Variants in TENM2 observed in about 807,000 individuals in gnomAD.
TENM2 encodes teneurin-2.
A neutral mutation model predicts 245.2 loss-of-function variants in TENM2; 52 were observed. That is an observed-to-expected ratio of 0.21 (90% CI 0.17 to 0.27). The LOEUF is 0.27. TENM2 is among the 10% of genes least tolerant of loss of function. The pLI is 1.00. For synonymous variants in TENM2, 1,363 were observed against 1,438.9 expected, an observed-to-expected ratio of 0.95 and a Z score of 1.19; for missense variants, 3,046 against 3,666.8, an observed-to-expected ratio of 0.83 and a Z score of 4.37.
intron 2 of TENM2, among the ~76,000 whole-genome samples, chr5:167,634,875 A>G (rs1779097005): frequency 6.6e-6 from 1 of 152,186 alleles, no homozygotes; most frequent in South Asian, 2.1e-4. Context: ...GAGGACATTC[A>G]GGGATAATTT....
At chr5:167,373,149 A>G (rs973763033) in intron 1 of TENM2, among the ~76,000 whole-genome samples, 2 of 152,218 alleles carry the variant, frequency 1.3e-5, no homozygotes, top group Admixed American at 6.5e-5. Context: ...TATGTATAGA[A>G]TTGGGCTTGA....
At chr5:167,543,405 C>T (rs1772342124) in intron 2 of TENM2, among the ~76,000 whole-genome samples, 1 of 152,106 alleles carries the variant, frequency 6.6e-6, no homozygotes, top group African/African-American at 2.4e-5. Flanking sequence ...GTGGTGAAGT[C>T]ACACAGCCAA....
At chr5:168,073,863 A>C (rs1475512406) in intron 7 of TENM2, among the ~76,000 whole-genome samples, 1 of 152,232 alleles carries the variant, frequency 6.6e-6, no homozygotes, top group Non-Finnish European at 1.5e-5. Context: ...GCAGGCCATC[A>C]CGTTGTATTC....
At chr5:168,017,126 G>C (rs560916712) in intron 5 of TENM2, among the ~76,000 whole-genome samples, 1 of 152,188 alleles carries the variant, frequency 6.6e-6, no homozygotes, top group East Asian at 1.9e-4. Flanking sequence ...TCAGCTAGAG[G>C]GACCACTCAT....
intron 6 of TENM2, among the ~76,000 whole-genome samples, chr5:168,053,443 A>G (rs1789278109): frequency 6.6e-6 from 1 of 152,180 alleles, no homozygotes. Flanking sequence ...GTACACCCAG[A>G]TATCTGGTCT....
At chr5:167,252,627 C>G in the TENM2 span, among the ~76,000 whole-genome samples, 2 of 152,086 alleles carry the variant, frequency 1.3e-5, no homozygotes, top group African/African-American at 4.8e-5. Flanking sequence ...ATTCGTGGCT[C>G]TCAGGTACAC....
chr5:168,253,377 A>C (rs1424782480), intron 27 of TENM2, among the ~76,000 whole-genome samples: 1 of 152,034 alleles, frequency 6.6e-6, no homozygotes, highest in Non-Finnish European at 1.5e-5. Flanking sequence ...CACAGAGCAA[A>C]GGCTAATAAA....
the TENM2 span, among the ~76,000 whole-genome samples, chr5:167,101,774 G>A: frequency 6.2e-5 from 9 of 144,058 alleles, no homozygotes; most frequent in Non-Finnish European, 1.0e-4. Flanking sequence ...AGTGTCAGAC[G>A]TAAGCAAAGA....
chr5:167,650,018 C>T (rs537863840), intron 2 of TENM2, among the ~76,000 whole-genome samples: 1 of 152,274 alleles, frequency 6.6e-6, no homozygotes, highest in South Asian at 2.1e-4. Flanking sequence ...TTCACTCTTC[C>T]CACCTCCACT....
rs192451356 is a variant in TENM2, at chr5:167,403,547, A to T, written c.502+28074A>T. 3.9e-4 allele frequency among the ~76,000 whole-genome samples: 59 copies of T among 152,232 alleles called. 1 individual carries two copies. The highest frequency in any genetic ancestry group is 3.9e-3 in the Admixed American group (59 of 15,282). On this transcript the variant is annotated intron_variant, in intron 2 of 28. Transcript: ENST00000518659. ...TGCCTTCTACCTGAACGTATGGGTC[A>T]TGGTAGATAGACAGAACAAAAAACT...
chr5:168,098,863 A>T (rs1793578875), intron 9 of TENM2, among the ~76,000 whole-genome samples: 2 of 152,106 alleles, frequency 1.3e-5, no homozygotes, highest in Admixed American at 6.5e-5. Context: ...TTGAAACAAA[A>T]CTCACAAAAT....
At chr5:168,164,799 G>A (rs1057143170) in intron 13 of TENM2, among the ~76,000 whole-genome samples, 1 of 152,160 alleles carries the variant, frequency 6.6e-6, no homozygotes, top group Non-Finnish European at 1.5e-5. Flanking sequence ...GTTTCAGAGT[G>A]TAGGAAGATC....
chr5:167,947,125 C>T (rs1171698088), intron 3 of TENM2, among the ~76,000 whole-genome samples: 1 of 152,012 alleles, frequency 6.6e-6, no homozygotes, highest in African/African-American at 2.4e-5. Flanking sequence ...CAAATGCAGC[C>T]GCATGTTCAT....
At chr5:167,084,327 T>TTATATATATATATATATATATATA in the TENM2 span, among the ~76,000 whole-genome samples, 11 of 23,174 alleles carry the variant, frequency 4.7e-4, 2 homozygotes, top group Admixed American at 7.0e-4. Context: ...GCCATTTTAG[T>TTATATATATATATATATATATATA]TATATATATA....
intron 2 of TENM2, among the ~76,000 whole-genome samples, chr5:167,872,514 AAGAAAGAAAGAAAG>A (rs1249750598): frequency 0.012 from 683 of 56,306 alleles, 9 homozygotes; most frequent in African/African-American, 0.028. Flanking sequence ...GAAAGAAAGA[AAGAAAGAAAGAAAG>A]AAAGAAAGAA....
rs563200013 is a variant in TENM2, at chr5:167,994,599, A to G, written c.1186+1417A>G. Among the ~76,000 whole-genome samples the G allele has an allele frequency of 1.1e-4, 17 of 152,360 alleles. No individual in the cohort carries two copies. The East Asian group carries it at 3.3e-3, about 29-fold the overall frequency. On this transcript the variant is annotated intron_variant, in intron 5 of 28. Coordinates refer to ENST00000518659, the Ensembl canonical transcript of TENM2. ...ACACTATAGCTGTTCTTGTCTTAAT[A>G]TGGAAAAATAAGCATTTATATTCCT...
chr5:167,253,085 CT>C, the TENM2 span, among the ~76,000 whole-genome samples: 7 of 151,560 alleles, frequency 4.6e-5, no homozygotes, highest in Admixed American at 4.0e-4. Context: ...CTTTGGGTGT[CT>C]TTTTTTATTA....
chr5:167,543,970 C>T (rs960905372), intron 2 of TENM2, among the ~76,000 whole-genome samples: 1 of 152,198 alleles, frequency 6.6e-6, no homozygotes, highest in African/African-American at 2.4e-5. Flanking sequence ...CTAACTGCAT[C>T]TGCAATGAAC....
At chr5:167,754,288 A>G (rs80247434) in intron 2 of TENM2, among the ~76,000 whole-genome samples, 4,753 of 152,270 alleles carry the variant, frequency 0.031, 260 homozygotes, top group African/African-American at 0.11. Context: ...CAGGAAAGGA[A>G]AAATAATCCC....
Sources: gnomAD v4.1 joint callset for allele counts (sites outside exome capture counted in the v4.1 genomes callset) on GRCh38, gnomAD v4.1.1 for gene constraint, MANE v1.5 for transcripts, NCBI Gene and HGNC (gene_info 2026-07-23, HGNC 2026-07-21) for gene names.